Variants in DUSP19 observed in about 807,000 individuals in gnomAD.
The protein encoded by DUSP19 is dual specificity protein phosphatase 19.
In DUSP19, 14 loss-of-function variants were observed where a neutral mutation model predicts 16.6. That is an observed-to-expected ratio of 0.84 (90% confidence interval 0.56 to 1.32). The LOEUF is 1.32. Among genes scored for constraint, DUSP19 ranks in the 40% most tolerant of loss-of-function variants. DUSP19 has a pLI of 0.00. For missense variants in DUSP19, 258 were observed against 255.9 expected (o/e 1.01, Z -0.06); for synonymous variants, 81 against 90.5 (o/e 0.90, Z 0.59).
At chr2:183,088,263 A>G (rs1699686624) in intron 3 of DUSP19, among the ~76,000 whole-genome samples, 1 of 152,104 alleles carries the variant, frequency 6.6e-6, no homozygotes, top group Admixed American at 6.6e-5. Flanking sequence ...GTGTGAGTGC[A>G]CTCTGTGATG....
At chr2:183,093,455 C>G (rs936122630) in intron 3 of DUSP19, among the ~76,000 whole-genome samples, 5 of 151,782 alleles carry the variant, frequency 3.3e-5, no homozygotes, top group African/African-American at 1.2e-4. Flanking sequence ...CCAAGAAGAG[C>G]AAAGGTCTTC....
chr2:183,091,295 C>T (rs1304711985), intron 3 of DUSP19, among the ~76,000 whole-genome samples: 1 of 152,050 alleles, frequency 6.6e-6, no homozygotes, highest in Non-Finnish European at 1.5e-5. Flanking sequence ...TGTCCAGGTT[C>T]TTGGCATTTT....
chr2:183,080,241 CA>C (rs763689496), intron 1 of DUSP19, among the ~76,000 whole-genome samples: 15 of 152,110 alleles, frequency 9.9e-5, no homozygotes, highest in Non-Finnish European at 2.1e-4. Flanking sequence ...TCTGGTCCTC[CA>C]AAAAGCCATT....
intron 1 of DUSP19, 67 bp downstream of exon 1, chr2:183,079,226 C>G (rs896087321): frequency 7.0e-7 from 1 of 1,430,150 alleles, no homozygotes; most frequent in African/African-American, 1.4e-5. Flanking sequence ...CATTTTCCCC[C>G]TTTATGCGTA....
intron 3 of DUSP19, among the ~76,000 whole-genome samples, chr2:183,090,447 CTT>C (rs559332939): frequency 8.1e-4 from 123 of 152,288 alleles, no homozygotes; most frequent in Non-Finnish European, 1.4e-3. Flanking sequence ...TTTGTCCCCT[CTT>C]TTTATGTACA....
At chr2:183,089,001 T>C (rs1699698807) in intron 3 of DUSP19, among the ~76,000 whole-genome samples, 2 of 152,108 alleles carry the variant, frequency 1.3e-5, no homozygotes, top group Non-Finnish European at 2.9e-5. Flanking sequence ...AAGCAAGAGA[T>C]TGAATATTCT....
At chr2:183,093,629 A>G (rs1699761998) in intron 3 of DUSP19, among the ~76,000 whole-genome samples, 1 of 152,220 alleles carries the variant, frequency 6.6e-6, no homozygotes, top group Non-Finnish European at 1.5e-5. Context: ...GAAAGTAGGT[A>G]AATTGAAAAG....
Position 183,078,792 on chromosome 2 carries a change from G to T in DUSP19, c.-142G>T. ...ACGGAGCTGGACGACTCAGTCTCTT[G>T]GTCTGTGGCTGCTGCGGTTACCTGG... On this transcript the variant is annotated 5_prime_UTR_variant, in exon 1 of 4. Transcript: ENST00000354221. 2 of 694,444 alleles carry T rather than the reference G, an allele frequency of 2.9e-6. No individual in the cohort carries two copies. The highest frequency in any genetic ancestry group is 4.8e-6 in the Non-Finnish European group (2 of 415,242). The allele number at this position is 694,444 out of a possible 1,614,324, so 43.0% of individuals were successfully genotyped here.
At chr2:183,090,776 CT>C (rs1427933397) in intron 3 of DUSP19, among the ~76,000 whole-genome samples, 1 of 152,196 alleles carries the variant, frequency 6.6e-6, no homozygotes, top group Non-Finnish European at 1.5e-5. Context: ...CCTTCTCCCC[CT>C]GTCCCAGACA....
chr2:183,087,627 C>A (rs1435674173), intron 3 of DUSP19, among the ~76,000 whole-genome samples: 6 of 152,190 alleles, frequency 3.9e-5, no homozygotes. Flanking sequence ...TCATATAGTA[C>A]TTCAGGCTTG....
intron 1 of DUSP19, 53 bp downstream of exon 1, chr2:183,079,212 T>C: frequency 6.6e-7 from 1 of 1,518,132 alleles, no homozygotes; most frequent in East Asian, 2.3e-5. Context: ...CCAGATTACG[T>C]TCTCATTTTC....
chr2:183,083,591 G>T (rs928270710), intron 2 of DUSP19, 37 bp downstream of exon 2: 1 of 1,551,414 alleles, frequency 6.4e-7, no homozygotes, highest in Middle Eastern at 1.7e-4. Flanking sequence ...CATATACACA[G>T]AATATTTTAA....
chr2:183,080,940 C>T (rs1448392761), intron 1 of DUSP19, among the ~76,000 whole-genome samples: 1 of 152,178 alleles, frequency 6.6e-6, no homozygotes, highest in East Asian at 1.9e-4. Flanking sequence ...TTGTTTCTGA[C>T]CAGACTTAGT....
intron 2 of DUSP19, 148 bp downstream of exon 2, chr2:183,083,702 T>G (rs1227578825): frequency 1.7e-6 from 1 of 582,582 alleles, no homozygotes; most frequent in Non-Finnish European, 2.9e-6. Flanking sequence ...GAAAAATAAT[T>G]GGCACATAAT....
chr2:183,086,699 T>C (rs1224385019), intron 2 of DUSP19, among the ~76,000 whole-genome samples: 1 of 149,340 alleles, frequency 6.7e-6, no homozygotes, highest in Non-Finnish European at 1.5e-5. Context: ...GGTACACGCC[T>C]GTAGTCCCAG....
At chr2:183,086,562 TGTGGGAGGCGGAA>T (rs1699664439) in intron 2 of DUSP19, among the ~76,000 whole-genome samples, 2 of 149,078 alleles carry the variant, frequency 1.3e-5, no homozygotes, top group African/African-American at 5.0e-5. Flanking sequence ...ATGCCAGCAC[TGTGGGAGGCGGAA>T]GTGGGAGCAT....
rs557829011 is a variant in DUSP19 at position 183,095,648 on chromosome 2, A to T, written c.644A>T (p.Asn215Ile). ...ESNKCDRIQE[N>I]SS ...AATAAGTGTGACAGAATACAGGAGA[A>T]CAGTTCATGAGTTGCATTGTAGCAG... is the stretch of plus-strand genomic sequence containing the variant. The change falls in exon 4 of 4, where the codon AAC (asparagine) becomes ATC (isoleucine). Residue 215 changes from asparagine to isoleucine, a missense_variant. Coordinates refer to ENST00000354221, the MANE Select transcript of DUSP19 (RefSeq NM_080876.4). 77 of 1,612,548 alleles carry T rather than the reference A, an allele frequency of 4.8e-5. 3 individuals are homozygous for T. In the South Asian group the frequency reaches 8.1e-4, roughly 17 times the overall value.
rs929290864 is a variant in DUSP19 at position 183,078,842 on chromosome 2, C to A, written c.-92C>A. 3.2e-5 allele frequency: 38 copies of A among 1,203,736 alleles called. No homozygotes were observed. Among genetic ancestry groups the A allele is most frequent in the Non-Finnish European group, 4.2e-5 (36 of 852,526 alleles). 74.6% of individuals were successfully genotyped at this position (1,203,736 alleles called of 1,614,324 possible). ...GATGGGCGAGCACCTCTGAGGCTGG[C>A]TTTGTTACCTGGGCAATAAGGGACT... On this transcript the variant is annotated 5_prime_UTR_variant, in exon 1 of 4. Coordinates refer to ENST00000354221, the MANE Select transcript of DUSP19 (RefSeq NM_080876.4).
rs1456706359 is a variant in DUSP19 at position 183,097,509 on chromosome 2, A to G, written c.*1851A>G. On this transcript the variant is annotated 3_prime_UTR_variant, in exon 4 of 4. Transcript: ENST00000354221. ...CTTTCATATGCTGTCATGAGCAAAA[A>G]GTAGAAGTGATAAATGCAAGTTATG... 2.0e-5 allele frequency: 3 copies of G among 152,242 alleles called. No homozygotes were observed. The highest frequency in any genetic ancestry group is 4.8e-5 in the African/African-American group (2 of 41,464). The allele number at this position is 152,242 out of a possible 1,614,324, so 9.4% of individuals were successfully genotyped here. A position where few individuals can be genotyped will look rare whatever the true frequency, so the allele number is the denominator to read the frequency against.
Sources: gnomAD v4.1 joint callset for allele counts (sites outside exome capture counted in the v4.1 genomes callset) on GRCh38, gnomAD v4.1.1 for gene constraint, MANE v1.5 for transcripts, NCBI Gene and HGNC (gene_info 2026-07-23, HGNC 2026-07-21) for gene names.